ZNF765: variants seen among roughly 807,000 people sequenced by gnomAD.
ZNF765 encodes the protein zinc finger protein 765.
In ZNF765, 37 loss-of-function variants were observed where a neutral mutation model predicts 44.7. The observed-to-expected ratio is 0.83, with a 90% CI of 0.64 to 1.09. The LOEUF (loss-of-function observed/expected upper bound fraction) is 1.09, where lower values mean the gene tolerates loss of function less well. Among genes scored for constraint, ZNF765 ranks in the 50% least tolerant of loss-of-function variants. The pLI is 0.00. For missense variants in ZNF765, 594 were observed against 626.1 expected, an observed-to-expected ratio of 0.95 and a Z score of 0.55; for synonymous variants, 201 against 213.7, an observed-to-expected ratio of 0.94 and a Z score of 0.52.
intron 3 of ZNF765, among the ~76,000 whole-genome samples, chr19:53,403,674 T>A (rs1424726601): frequency 6.6e-6 from 1 of 152,126 alleles, no homozygotes; most frequent in Non-Finnish European, 1.5e-5. Context: ...CGAAACTCCG[T>A]CTCTACTAAA....
chr19:53,409,021 C>T lies in ZNF765; in HGVS notation c.1466C>T (p.Thr489Ile). The change falls in exon 4 of 4, where the codon ACT becomes ATT. Residue 489 changes from threonine to isoleucine, a missense_variant. Thr to Ile is a moderately conservative substitution (Grantham distance 89). Coordinates refer to ENST00000396408, the MANE Select transcript of ZNF765 (RefSeq NM_001040185.3). ...SSLTYHHRLH[T>I]GQKPYKCEDC... ...CTTACATACCATCATAGACTTCATA[C>T]TGGACAGAAACCTTACAAATGTGAA... 6.2e-7 allele frequency: 1 copy of T among 1,603,492 alleles called. No individual in the cohort carries two copies. The highest frequency in any genetic ancestry group is 8.5e-7 in the Non-Finnish European group (1 of 1,172,864).
downstream of ZNF765, chr19:53,413,096 G>T (rs2085845646): frequency 2.7e-6 from 1 of 375,242 alleles, no homozygotes; most frequent in African/African-American, 2.3e-5. Context: ...CGCAACAAGA[G>T]CGAAACTTTG....
In ZNF765 at chr19:53,407,981, C is replaced by T; in HGVS notation, c.426C>T (p.Phe142=). The change falls in exon 4 of 4, where the codon TTC becomes TTT. Residue 142 remains phenylalanine, a synonymous_variant. Coordinates refer to ENST00000396408, the MANE Select transcript of ZNF765 (RefSeq NM_001040185.3). Reference sequence around the variant, plus strand: ...AGCCTGTTAAATATCAGCTTGGATTCAGCTTTCATTCGCATCTGCCTGAAC... The same window carrying T: ...AGCCTGTTAAATATCAGCTTGGATTTAGCTTTCATTCGCATCTGCCTGAAC... ...GNKPVKYQLG[F]SFHSHLPELH... 1 of 1,614,152 alleles carries T rather than the reference C, an allele frequency of 6.2e-7. No individual in the cohort carries two copies. Among genetic ancestry groups the T allele is most frequent in the Non-Finnish European group, 8.5e-7 (1 of 1,180,034 alleles).
chr19:53,416,814 T>C (rs1268977273), downstream of ZNF765, among the ~76,000 whole-genome samples: 1 of 150,918 alleles, frequency 6.6e-6, no homozygotes, highest in Non-Finnish European at 1.5e-5. Context: ...GTCCATTGAT[T>C]TCTTTTCTTT....
chr19:53,397,968 T>C lies in ZNF765; in HGVS notation c.-48T>C, dbSNP rs2085687081. 2.5e-6 allele frequency: 4 copies of C among 1,610,750 alleles called. No homozygotes were observed. Among genetic ancestry groups the C allele is most frequent in the Non-Finnish European group, 2.5e-6 (3 of 1,179,376 alleles). ...GATTGACTTCTAAAGACTCTTGGTATGTGAGGAAGAAACCTGGAAGAGGAA... is the reference window on the plus strand; with the variant it reads ...GATTGACTTCTAAAGACTCTTGGTACGTGAGGAAGAAACCTGGAAGAGGAA... On this transcript the variant is annotated 5_prime_UTR_variant, in exon 2 of 4. An upstream start codon of the reference 5' UTR is lost. Coordinates refer to ENST00000396408, the MANE Select transcript of ZNF765 (RefSeq NM_001040185.3).
intron 1 of ZNF765, among the ~76,000 whole-genome samples, chr19:53,395,593 G>T (rs1233445727): frequency 6.6e-6 from 1 of 152,236 alleles, no homozygotes; most frequent in East Asian, 1.9e-4. Context: ...CGCGTCCTCT[G>T]TCTGGTCCTG....
chr19:53,402,887 A>C (rs2085741182), intron 3 of ZNF765, among the ~76,000 whole-genome samples: 1 of 152,056 alleles, frequency 6.6e-6, no homozygotes, highest in Non-Finnish European at 1.5e-5. Flanking sequence ...AAATTTTTGC[A>C]TATGTGCAGC....
rs2085836580 is a variant in ZNF765 at position 53,411,784 on chromosome 19, T to TA, written c.*2658dup. ...TTTACGTTTATTTCTAAGTATTTCT[T>TA]ACTTTAAGTTCTCCAGCCAATGGAA... On this transcript the variant is annotated 3_prime_UTR_variant, in exon 4 of 4. Transcript: ENST00000396408. 2 of 152,336 alleles carry TA rather than the reference T, an allele frequency of 1.3e-5. No individual in the cohort carries two copies. The highest frequency in any genetic ancestry group is 4.8e-5 in the African/African-American group (2 of 41,474). 9.4% of individuals were successfully genotyped at this position (152,336 alleles called of 1,614,324 possible). A position where few individuals can be genotyped will look rare whatever the true frequency, so the allele number is the denominator to read the frequency against.
exon 4 of ZNF765, chr19:53,426,593 TGG>T (rs1288852995): frequency 1.3e-5 from 2 of 152,336 alleles, no homozygotes; most frequent in East Asian, 3.9e-4. Context: ...AGGTGAGCAG[TGG>T]GTGAGTGCGC....
downstream of ZNF765, among the ~76,000 whole-genome samples, chr19:53,416,100 G>A (rs35409695): frequency 0.76 from 114,705 of 151,822 alleles, 44,333 homozygotes; most frequent in Admixed American, 0.84. Context: ...GATTACAGGC[G>A]TGCACCACCG....
At chr19:53,407,013 T>C (rs186283637) in intron 3 of ZNF765, among the ~76,000 whole-genome samples, 2 of 152,286 alleles carry the variant, frequency 1.3e-5, no homozygotes, top group East Asian at 3.9e-4. Context: ...AAAAACATTG[T>C]ATTAACATTT....
Position 53,417,645 on chromosome 19 carries a change from T to G in ZNF765, c.143-5417T>G, listed in dbSNP as rs577376802. On this transcript the variant is annotated intron_variant, in intron 3 of 3. Transcript: ENST00000594030. The stretch of plus-strand genomic sequence containing the variant: ...TATATTCCTTTAGGCATATATCCTG[T>G]AATGAGATTGCTGGGTCGAAGGATA... Among the ~76,000 whole-genome samples the G allele has an allele frequency of 2.6e-5, 4 of 152,332 alleles. No homozygotes were observed. In the East Asian group the frequency reaches 5.8e-4, roughly 22 times the overall value.
rs184990368 is a variant in ZNF765, at chr19:53,399,907, C to T, written c.15+1877C>T. On this transcript the variant is annotated intron_variant, in intron 2 of 3. Coordinates refer to ENST00000396408, the MANE Select transcript of ZNF765 (RefSeq NM_001040185.3). ...TCAACTCACTGCAACCTCTGCCTCC[C>T]GGGTTCAAGTGATTCTCCTGCCTCA... Among the ~76,000 whole-genome samples the T allele has an allele frequency of 5.4e-3, 829 of 152,122 alleles. 4 individuals carry two copies. Among genetic ancestry groups the T allele is most frequent in the African/African-American group, 0.017 (718 of 41,514 alleles).
rs191059800 is a variant in ZNF765, at chr19:53,408,300, G to C, written c.745G>C (p.Gly249Arg). The C allele has an allele frequency of 3.4e-5, 55 of 1,614,202 alleles. No individual in the cohort carries two copies. In the African/African-American group the frequency reaches 3.9e-4, roughly 11 times the overall value. ...GEKQYKCDIC[G>R]KVFNSKRYVA... ...GAAACAATATAAATGCGATATATGTGGCAAGGTCTTTAATTCGAAGCGATA... is the reference window on the plus strand; with the variant it reads ...GAAACAATATAAATGCGATATATGTCGCAAGGTCTTTAATTCGAAGCGATA... Residue 249 changes from glycine to arginine, a missense_variant, in exon 4 of 4, where the codon GGC becomes CGC. Gly to Arg is a moderately radical substitution (Grantham distance 125). Around this residue, in one of 2 missense-constraint regions of ZNF765, gnomAD observed 567 missense variants for 572.6 expected, o/e 0.99. Transcript: ENST00000396408.
chr19:53,416,669 C>T (rs1275230457), downstream of ZNF765, among the ~76,000 whole-genome samples: 1 of 151,672 alleles, frequency 6.6e-6, no homozygotes, highest in Admixed American at 6.6e-5. Flanking sequence ...CTCTATTTTA[C>T]ATAGTTATAT....
intron 3 of ZNF765, among the ~76,000 whole-genome samples, chr19:53,419,604 C>T (rs929860772): frequency 2.0e-5 from 3 of 152,286 alleles, no homozygotes; most frequent in Admixed American, 6.5e-5. Flanking sequence ...CACAACAATT[C>T]GGTAAGTTGG....
At chr19:53,412,999 A>G (rs913825581), downstream of ZNF765, among the ~76,000 whole-genome samples, 1 of 152,174 alleles carries the variant, frequency 6.6e-6, no homozygotes, top group Non-Finnish European at 1.5e-5. Flanking sequence ...AATCCCAGTT[A>G]CTGGGAAGGC....
intron 2 of ZNF765, 132 bp from the exon 3 acceptor site, chr19:53,401,928 TGAAAA>T (rs763579242): frequency 1.3e-6 from 2 of 1,591,132 alleles, no homozygotes; most frequent in Non-Finnish European, 1.7e-6. Context: ...CAAAATGCGG[TGAAAA>T]ATCCCTTACT....
At position 53,410,453 on chromosome 19, in the gene ZNF765, C is replaced by T. The variant is rs1276288753; in HGVS notation, c.*1326C>T. 3 of 356,498 alleles carry T rather than the reference C, an allele frequency of 8.4e-6. No homozygotes were observed. The highest frequency in any genetic ancestry group is 6.5e-5 in the African/African-American group (3 of 46,388). The allele number at this position is 356,498 out of a possible 1,614,324, so 22.1% of individuals were successfully genotyped here. On this transcript the variant is annotated 3_prime_UTR_variant, in exon 4 of 4. Coordinates refer to ENST00000396408, the MANE Select transcript of ZNF765 (RefSeq NM_001040185.3). ...AAGAGTTTGTGACAAGGCTTTCAGG[C>T]ATAATTCGCACCTGGCACAACATCC...
Sources: gnomAD v4.1 joint callset for allele counts (sites outside exome capture counted in the v4.1 genomes callset) on GRCh38, gnomAD v4.1.1 for gene constraint, gnomAD v4.1.1 regional missense constraint, MANE v1.5 for transcripts, NCBI Gene and HGNC (gene_info 2026-07-23, HGNC 2026-07-21) for gene names.